Variants in SDC2 observed in about 807,000 individuals in gnomAD.
SDC2 encodes the protein syndecan-2.
SDC2 carries 13 observed loss-of-function variants against 22.2 expected under a neutral mutation model. The observed-to-expected ratio is 0.59, with a 90% CI of 0.38 to 0.93. The LOEUF is 0.93. SDC2 is among the 40% of genes least tolerant of loss of function. The pLI, the probability that SDC2 is intolerant of heterozygous loss-of-function variation, is 0.00. For synonymous variants in SDC2, 94 were observed against 92.8 expected (o/e 1.01, Z -0.07); for missense variants, 235 against 246.8 (o/e 0.95, Z 0.32).
chr8:96,530,009 A>G (rs1813635495), intron 1 of SDC2, among the ~76,000 whole-genome samples: 1 of 152,130 alleles, frequency 6.6e-6, no homozygotes, highest in Non-Finnish European at 1.5e-5. Flanking sequence ...ATTAGTTTAA[A>G]CCAGATTTAG....
At chr8:96,497,903 C>T (rs1586264308) in intron 1 of SDC2, among the ~76,000 whole-genome samples, 1 of 152,196 alleles carries the variant, frequency 6.6e-6, no homozygotes, top group Non-Finnish European at 1.5e-5. Context: ...CTTCCCAAGG[C>T]AGAAGGGTGC....
At chr8:96,579,008 C>T (rs562815493) in intron 1 of SDC2, among the ~76,000 whole-genome samples, 13 of 152,104 alleles carry the variant, frequency 8.5e-5, no homozygotes, top group Non-Finnish European at 1.9e-4. Flanking sequence ...TAGCTCAGTC[C>T]CTTGTAACTG....
intron 1 of SDC2, among the ~76,000 whole-genome samples, chr8:96,524,051 T>C (rs1813538957): frequency 6.6e-6 from 1 of 152,208 alleles, no homozygotes; most frequent in South Asian, 2.1e-4. Flanking sequence ...AAGGAATGTT[T>C]TACAGACAGT....
At chr8:96,598,689 G>A (rs1441014379) in intron 2 of SDC2, among the ~76,000 whole-genome samples, 1 of 151,990 alleles carries the variant, frequency 6.6e-6, no homozygotes. Context: ...CCGGTGCCCT[G>A]GTGGAGAGAT....
At chr8:96,581,484 G>T (rs1452133227) in intron 1 of SDC2, among the ~76,000 whole-genome samples, 4 of 152,122 alleles carry the variant, frequency 2.6e-5, no homozygotes, top group African/African-American at 9.7e-5. Context: ...ACAAAAATTA[G>T]CTGGGCATAG....
intron 1 of SDC2, among the ~76,000 whole-genome samples, chr8:96,501,789 C>T (rs1016432080): frequency 3.3e-5 from 5 of 152,146 alleles, no homozygotes; most frequent in African/African-American, 9.7e-5. Context: ...AAAACTCTCT[C>T]TCCTTAATAT....
intron 3 of SDC2, among the ~76,000 whole-genome samples, chr8:96,604,341 TAAG>T (rs1180840668): frequency 1.3e-5 from 2 of 152,200 alleles, no homozygotes; most frequent in African/African-American, 4.8e-5. Context: ...ATTTAAAAAT[TAAG>T]GAGCCCAAAA....
intron 1 of SDC2, among the ~76,000 whole-genome samples, chr8:96,516,106 C>G (rs1401837549): frequency 6.6e-6 from 1 of 152,090 alleles, no homozygotes; most frequent in Non-Finnish European, 1.5e-5. Flanking sequence ...CATCTCAGAC[C>G]CTGCATTTGA....
At chr8:96,520,102 T>C (rs1315046688) in intron 1 of SDC2, among the ~76,000 whole-genome samples, 1 of 152,194 alleles carries the variant, frequency 6.6e-6, no homozygotes, top group Non-Finnish European at 1.5e-5. Flanking sequence ...ATGACTTTTG[T>C]TGGGTAGAGC....
chr8:96,525,634 C>G (rs1214215256), intron 1 of SDC2, among the ~76,000 whole-genome samples: 1 of 152,116 alleles, frequency 6.6e-6, no homozygotes, highest in Non-Finnish European at 1.5e-5. Flanking sequence ...GAGTTGAACT[C>G]AGACTGGTGC....
At chr8:96,594,994 C>T (rs1407424376) in intron 2 of SDC2, among the ~76,000 whole-genome samples, 3 of 152,236 alleles carry the variant, frequency 2.0e-5, no homozygotes, top group Admixed American at 6.5e-5. Flanking sequence ...ATGGGAACTA[C>T]AATTTAAGAT....
intron 1 of SDC2, among the ~76,000 whole-genome samples, chr8:96,555,717 C>T (rs1464231598): frequency 1.3e-5 from 2 of 152,182 alleles, no homozygotes; most frequent in East Asian, 1.9e-4. Context: ...TTCTCAGTTA[C>T]TCCAGATAAA....
intron 1 of SDC2, among the ~76,000 whole-genome samples, chr8:96,578,534 G>T (rs1328920035): frequency 6.6e-6 from 1 of 152,206 alleles, no homozygotes; most frequent in Non-Finnish European, 1.5e-5. Flanking sequence ...TGACCAGGCT[G>T]ATTCTGGTTT....
At chr8:96,537,206 G>A (rs572848558) in intron 1 of SDC2, 1 of 152,206 alleles carries the variant, frequency 6.6e-6, no homozygotes, top group East Asian at 1.9e-4. Context: ...GTGACAATAA[G>A]GTTTTTCCTT....
chr8:96,495,043 G>T (rs1294067576), intron 1 of SDC2, among the ~76,000 whole-genome samples: 1 of 152,200 alleles, frequency 6.6e-6, no homozygotes, highest in Non-Finnish European at 1.5e-5. Context: ...CCCCCTCCTC[G>T]TTGAGGGGTG....
intron 1 of SDC2, among the ~76,000 whole-genome samples, chr8:96,569,069 G>A (rs1200177480): frequency 6.6e-6 from 1 of 152,176 alleles, no homozygotes; most frequent in African/African-American, 2.4e-5. Context: ...GAGTACAGTG[G>A]CACAATTATG....
chr8:96,526,148 G>A (rs984405304), intron 1 of SDC2, among the ~76,000 whole-genome samples: 2 of 152,068 alleles, frequency 1.3e-5, no homozygotes, highest in Non-Finnish European at 2.9e-5. Context: ...CTGATATTTC[G>A]GTCCTGTGGG....
intron 1 of SDC2, among the ~76,000 whole-genome samples, chr8:96,510,062 CT>C (rs1211111153): frequency 2.6e-5 from 4 of 152,210 alleles, no homozygotes; most frequent in African/African-American, 9.6e-5. Context: ...TGAAGGAAAA[CT>C]TTTCCTAGTG....
intron 3 of SDC2, among the ~76,000 whole-genome samples, chr8:96,604,425 TAGG>T (rs576600091): frequency 6.6e-4 from 100 of 152,344 alleles, no homozygotes; most frequent in African/African-American, 2.4e-3. Flanking sequence ...CATCCATTTA[TAGG>T]AGATTTGTTG....
Sources: gnomAD v4.1 joint callset for allele counts (sites outside exome capture counted in the v4.1 genomes callset) on GRCh38, gnomAD v4.1.1 for gene constraint, MANE v1.5 for transcripts, NCBI Gene and HGNC (gene_info 2026-07-23, HGNC 2026-07-21) for gene names.